TIMP3: variants seen among roughly 807,000 people sequenced by gnomAD.
The protein encoded by TIMP3 is metalloproteinase inhibitor 3.
TIMP3 carries 11 observed loss-of-function variants against 30.0 expected under a neutral mutation model. The ratio of observed to expected loss-of-function variants is 0.37; its 90% CI spans 0.23 to 0.61. The LOEUF (loss-of-function observed/expected upper bound fraction) is 0.61, where lower values mean the gene tolerates loss of function less well. Among genes scored for constraint, TIMP3 ranks in the 20% least tolerant of loss-of-function variants. The pLI, the probability that TIMP3 is intolerant of heterozygous loss-of-function variation, is 0.70. For missense variants in TIMP3, 181 were observed against 276.8 expected (o/e 0.65, Z 2.45); for synonymous variants, 112 against 111.3 (o/e 1.01, Z -0.04).
intron 2 of TIMP3, among the ~76,000 whole-genome samples, chr22:32,849,820 G>A (rs908235249): frequency 6.6e-6 from 1 of 152,214 alleles, no homozygotes; most frequent in African/African-American, 2.4e-5. Flanking sequence ...TTGTTAGCTC[G>A]TAACCATGAG....
intron 1 of TIMP3, among the ~76,000 whole-genome samples, chr22:32,820,637 G>T (rs1466477941): frequency 6.6e-6 from 1 of 152,186 alleles, no homozygotes; most frequent in African/African-American, 2.4e-5. Flanking sequence ...GGGTTGGGCA[G>T]GGGCCCGGAG....
intron 1 of TIMP3, among the ~76,000 whole-genome samples, chr22:32,834,989 G>C (rs2047687319): frequency 6.6e-6 from 1 of 152,214 alleles, no homozygotes; most frequent in African/African-American, 2.4e-5. Flanking sequence ...CCTCAGCCAT[G>C]TGACCTCCGA....
chr22:32,838,519 G>A (rs940590098), intron 1 of TIMP3, among the ~76,000 whole-genome samples: 1 of 152,176 alleles, frequency 6.6e-6, no homozygotes, highest in East Asian at 1.9e-4. Context: ...GGATCTTCAT[G>A]TGTTGGTAGC....
intron 1 of TIMP3, among the ~76,000 whole-genome samples, chr22:32,831,719 CCTT>C (rs2047579907): frequency 6.6e-6 from 1 of 152,150 alleles, no homozygotes; most frequent in Non-Finnish European, 1.5e-5. Context: ...CCTGCCCCTC[CCTT>C]CCTGGCATTA....
intron 2 of TIMP3, among the ~76,000 whole-genome samples, chr22:32,851,500 G>A (rs945550110): frequency 2.6e-5 from 4 of 152,084 alleles, no homozygotes; most frequent in African/African-American, 9.7e-5. Context: ...CCAGGCTGGT[G>A]GGCTTAGAAG....
chr22:32,855,914 G>A (rs1352320488), intron 2 of TIMP3, among the ~76,000 whole-genome samples: 1 of 152,184 alleles, frequency 6.6e-6, no homozygotes, highest in African/African-American at 2.4e-5. Context: ...GTATTTAACA[G>A]TTAAAACTCT....
intron 1 of TIMP3, among the ~76,000 whole-genome samples, chr22:32,807,321 A>AT (rs1188077542): frequency 4.1e-5 from 4 of 98,090 alleles, no homozygotes; most frequent in Non-Finnish European, 7.5e-5. Flanking sequence ...TATAATATAT[A>AT]AATATATAAT....
chr22:32,860,383 A>T lies in TIMP3; in HGVS notation c.*1006A>T, dbSNP rs901235669. ...CACCTAGGGGGATATGTTTGTATAC[A>T]CATTTGCATATACCCACATGGGGAC... is the stretch of plus-strand genomic sequence containing the variant. On this transcript the variant is annotated 3_prime_UTR_variant, in exon 5 of 5. Transcript: ENST00000266085. 3.3e-5 allele frequency: 5 copies of T among 152,664 alleles called. No individual in the cohort carries two copies. The highest frequency in any genetic ancestry group is 1.2e-4 in the African/African-American group (5 of 41,458). 9.5% of individuals were successfully genotyped at this position (152,664 alleles called of 1,614,324 possible).
intron 1 of TIMP3, among the ~76,000 whole-genome samples, chr22:32,819,371 A>G (rs2047174296): frequency 6.6e-6 from 1 of 152,250 alleles, no homozygotes; most frequent in Admixed American, 6.5e-5. Flanking sequence ...CTCGAGGCCC[A>G]GCCCGGCCCC....
At chr22:32,821,980 AC>A (rs1295341977) in intron 1 of TIMP3, among the ~76,000 whole-genome samples, 1 of 151,820 alleles carries the variant, frequency 6.6e-6, no homozygotes, top group Non-Finnish European at 1.5e-5. Flanking sequence ...ACATGGAGAA[AC>A]CCCATCTCTA....
chr22:32,836,992 C>T (rs868528820), intron 1 of TIMP3, among the ~76,000 whole-genome samples: 7 of 152,218 alleles, frequency 4.6e-5, no homozygotes, highest in Middle Eastern at 3.2e-3. Flanking sequence ...GCGGGTCTGG[C>T]GTGCAAAGGA....
In TIMP3 at chr22:32,857,333, G is replaced by A. The variant is rs201819465; in HGVS notation, c.289G>A (p.Val97Ile). The stretch of plus-strand genomic sequence containing the variant: ...GAGTCTCTGTGGCCTTAAGCTGGAG[G>A]TCAACAAGTACCAGTACCTGCTGAC... ...SESLCGLKLE[V>I]NKYQYLLTGR... The change falls in exon 3 of 5, where the codon GTC becomes ATC. Residue 97 changes from valine (V) to isoleucine (I), a missense_variant. Transcript: ENST00000266085. 338 of 1,613,940 alleles carry A rather than the reference G, an allele frequency of 2.1e-4. No individual in the cohort carries two copies. The highest frequency in any genetic ancestry group is 4.9e-4 in the Middle Eastern group (3 of 6,068).
chr22:32,810,840 G>A (rs1415131856), intron 1 of TIMP3, among the ~76,000 whole-genome samples: 1 of 152,098 alleles, frequency 6.6e-6, no homozygotes, highest in African/African-American at 2.4e-5. Context: ...ATTTAGGAAG[G>A]GCTCCCTTTT....
chr22:32,810,949 T>C lies in TIMP3; in HGVS notation c.121+8827T>C, dbSNP rs1045400859. 2.6e-5 allele frequency among the ~76,000 whole-genome samples: 4 copies of C among 152,194 alleles called. No homozygotes were observed. In the South Asian group the frequency reaches 8.3e-4, roughly 32 times the overall value. ...GCTACTCCCAAGCTTGGGCAGGTTC[T>C]TTGCCTCAGTTTCCTCATCTCTAAA... On this transcript the variant is annotated intron_variant, in intron 1 of 4. Coordinates refer to ENST00000266085, the MANE Select transcript of TIMP3 (RefSeq NM_000362.5).
chr22:32,819,007 C>T (rs2047162839), intron 1 of TIMP3, among the ~76,000 whole-genome samples: 2 of 152,230 alleles, frequency 1.3e-5, no homozygotes, highest in South Asian at 4.1e-4. Flanking sequence ...TTATAAATAA[C>T]CTCGAGGCTG....
intron 2 of TIMP3, among the ~76,000 whole-genome samples, chr22:32,852,583 C>T (rs1456601106): frequency 6.6e-6 from 1 of 152,146 alleles, no homozygotes; most frequent in Non-Finnish European, 1.5e-5. Flanking sequence ...TAGAGCAGGA[C>T]TAAAGGAACT....
At chr22:32,824,877 C>T (rs975713862) in intron 1 of TIMP3, among the ~76,000 whole-genome samples, 1 of 152,156 alleles carries the variant, frequency 6.6e-6, no homozygotes, top group African/African-American at 2.4e-5. Flanking sequence ...CCATGACAAC[C>T]AGAGTACTTT....
intron 4 of TIMP3, among the ~76,000 whole-genome samples, chr22:32,858,764 A>G (rs1284731426): frequency 1.3e-5 from 2 of 152,314 alleles, no homozygotes; most frequent in East Asian, 3.9e-4. Context: ...TAGGTCCCAC[A>G]GTTCACTGAA....
intron 1 of TIMP3, among the ~76,000 whole-genome samples, chr22:32,841,662 C>T (rs2047906728): frequency 7.2e-6 from 1 of 139,184 alleles, no homozygotes; most frequent in South Asian, 2.5e-4. Flanking sequence ...GGGAGGGGAA[C>T]AACATACACT....
Sources: allele counts gnomAD v4.1 joint callset (sites outside exome capture counted in the v4.1 genomes callset), GRCh38; gene constraint gnomAD v4.1.1; transcripts MANE v1.5; gene names NCBI Gene and HGNC (gene_info 2026-07-23, HGNC 2026-07-21).